USP24: variants seen among roughly 807,000 people sequenced by gnomAD.
The protein encoded by USP24 is ubiquitin carboxyl-terminal hydrolase 24.
A neutral mutation model predicts 361.6 loss-of-function variants in USP24; 97 were observed. That is an observed-to-expected ratio of 0.27 (90% confidence interval 0.23 to 0.32). The LOEUF is 0.32. USP24 is among the 10% of genes least tolerant of loss of function. USP24 has a pLI of 1.00. For missense variants in USP24, 2,353 were observed against 3,165.6 expected (o/e 0.74, Z 6.16); for synonymous variants, 1,098 against 1,124.6 (o/e 0.98, Z 0.47).
Position 55,094,121 on chromosome 1 carries a change from T to C in USP24, c.6204-34A>G, listed in dbSNP as rs377235802. 7.6e-6 allele frequency: 12 copies of C among 1,573,072 alleles called. No individual in the cohort carries two copies. The African/African-American group carries it at 1.4e-4, about 18-fold the overall frequency. ...TAGAATCAGAAAACTCTGTCTAGTATAAAGTGGCTATTTTTTCAGTAGTTA... is the reference window on the plus strand; with the variant it reads ...TAGAATCAGAAAACTCTGTCTAGTACAAAGTGGCTATTTTTTCAGTAGTTA... On this transcript the variant is annotated intron_variant, in intron 51 of 67. Transcript: ENST00000294383.
chr1:55,089,340 G>A (rs1360192256), intron 55 of USP24, among the ~76,000 whole-genome samples: 3 of 152,086 alleles, frequency 2.0e-5, no homozygotes, highest in Admixed American at 6.5e-5. Context: ...AGAGACTTGC[G>A]TCTCTGACCC....
Position 55,067,452 on chromosome 1 carries a change from A to C in USP24, c.*1593T>G, listed in dbSNP as rs1644843037. 6.6e-6 allele frequency: 1 copy of C among 152,250 alleles called. No individual in the cohort carries two copies. Among genetic ancestry groups the C allele is most frequent in the African/African-American group, 2.4e-5 (1 of 41,454 alleles). The allele number at this position is 152,250 out of a possible 1,614,324, so 9.4% of individuals were successfully genotyped here. A position where few individuals can be genotyped will look rare whatever the true frequency, so the allele number is the denominator to read the frequency against. On this transcript the variant is annotated 3_prime_UTR_variant, in exon 68 of 68. Coordinates refer to ENST00000294383, the MANE Select transcript of USP24 (RefSeq NM_015306.3). The stretch of plus-strand genomic sequence containing the variant: ...TAAGTGCTGGCCCTTCCATCTTCTC[A>C]GTGTGTTTGACAAAGGCCACTGCCA...
chr1:55,135,941 TTGAG>T (rs959853534), intron 28 of USP24, among the ~76,000 whole-genome samples: 1 of 152,174 alleles, frequency 6.6e-6, no homozygotes, highest in African/African-American at 2.4e-5. Context: ...GAAATATTGA[TTGAG>T]TACCTATCAT....
chr1:55,154,345 T>C, intron 14 of USP24, 26 bp downstream of exon 14: 1 of 1,557,180 alleles, frequency 6.4e-7, no homozygotes, highest in Non-Finnish European at 8.7e-7. Context: ...CATTTGTAGC[T>C]AGAAAAATCC....
At chr1:55,073,727 G>C in intron 64 of USP24, 101 bp downstream of exon 64, 2 of 1,141,906 alleles carry the variant, frequency 1.8e-6, no homozygotes, top group Non-Finnish European at 2.6e-6. Flanking sequence ...GACTGAGTCA[G>C]ATTCTCCAGG....
Position 55,143,111 on chromosome 1 carries a change from T to C in USP24, c.2448A>G (p.Glu816=), listed in dbSNP as rs190106219. The C allele has an allele frequency of 1.1e-4, 171 of 1,503,980 alleles. No individual in the cohort carries two copies. In the African/African-American group the frequency reaches 2.0e-3, roughly 18 times the overall value. 93.2% of individuals were successfully genotyped at this position (1,503,980 alleles called of 1,614,324 possible). The change falls in exon 22 of 68, where the codon GAA becomes GAG. Residue 816 remains glutamate (E), a synonymous_variant. Transcript: ENST00000294383. The part of the protein sequence containing the change: ...LKRQGAQLYV[E]KLELIGMDFI... ...AATCCATTCCTATCAATTCCAGCTT[T>C]TCTACATACTGTTCAAAAGAAAAAA...
At chr1:55,100,817 C>T in intron 44 of USP24, 22 bp downstream of exon 44, 1 of 1,582,414 alleles carries the variant, frequency 6.3e-7, no homozygotes, top group Non-Finnish European at 8.6e-7. Flanking sequence ...CTTTAAATCT[C>T]AAGAGTTACT....
chr1:55,116,759 A>G (rs1387422314), intron 38 of USP24, among the ~76,000 whole-genome samples: 1 of 152,122 alleles, frequency 6.6e-6, no homozygotes, highest in African/African-American at 2.4e-5. Flanking sequence ...TCACTGGTGA[A>G]TTCTACCAAT....
chr1:55,089,875 G>A (rs566329731), intron 54 of USP24, 135 bp from the exon 55 acceptor site: 4 of 596,020 alleles, frequency 6.7e-6, no homozygotes, highest in South Asian at 2.6e-5. Flanking sequence ...TAGAGTGGAG[G>A]GATAAGAGAT....
At chr1:55,099,647 T>C in intron 45 of USP24, 124 bp downstream of exon 45, 1 of 692,068 alleles carries the variant, frequency 1.4e-6, no homozygotes. Context: ...ACATTATAGT[T>C]CTTATGTTAA....
chr1:55,185,534 A>G (rs1644105514), intron 1 of USP24, among the ~76,000 whole-genome samples: 1 of 152,166 alleles, frequency 6.6e-6, no homozygotes, highest in Non-Finnish European at 1.5e-5. Context: ...TTTAATAATA[A>G]GAATGAAAGA....
intron 1 of USP24, among the ~76,000 whole-genome samples, chr1:55,190,164 C>CAAAA (rs397696116): frequency 5.9e-4 from 46 of 78,154 alleles, no homozygotes; most frequent in African/African-American, 1.2e-3. Context: ...GACTCCATCT[C>CAAAA]AAAAAAAAAA....
Position 55,096,598 on chromosome 1 carries a change from A to G in USP24, c.5961T>C (p.Tyr1987=), listed in dbSNP as rs1645501400. Reference sequence around the variant, plus strand: ...CTTCTATAACTGTGTCATTAAATTTATACCACTTTCCTTTTCCACACCCTC... The same window carrying G: ...CTTCTATAACTGTGTCATTAAATTTGTACCACTTTCCTTTTCCACACCCTC... The part of the protein sequence containing the change: ...DRRGCGKGKW[Y]KFNDTVIEEF... The change falls in exon 50 of 68, where the codon TAT becomes TAC. Residue 1987 remains tyrosine, a synonymous_variant. Coordinates refer to ENST00000294383, the MANE Select transcript of USP24 (RefSeq NM_015306.3). 6.2e-7 allele frequency: 1 copy of G among 1,612,116 alleles called. No homozygotes were observed. The highest frequency in any genetic ancestry group is 8.5e-7 in the Non-Finnish European group (1 of 1,179,398).
intron 1 of USP24, among the ~76,000 whole-genome samples, chr1:55,178,778 C>A (rs1308644867): frequency 6.6e-6 from 1 of 151,988 alleles, no homozygotes; most frequent in Non-Finnish European, 1.5e-5. Flanking sequence ...GTAACCCTAG[C>A]ACTTTGGGAG....
At chr1:55,156,785 C>A (rs1647711754) in intron 12 of USP24, among the ~76,000 whole-genome samples, 163 bp downstream of exon 12, 1 of 152,142 alleles carries the variant, frequency 6.6e-6, no homozygotes, top group Non-Finnish European at 1.5e-5. Context: ...TGGATTTACA[C>A]ATACAATCTT....
At chr1:55,074,018 T>C (rs753419587) in intron 63 of USP24, 112 bp from the exon 64 acceptor site, 2 of 773,774 alleles carry the variant, frequency 2.6e-6, no homozygotes, top group Admixed American at 2.8e-5. Flanking sequence ...AATAAACAGA[T>C]AAGGAACAAC....
Position 55,125,425 on chromosome 1 carries a change from G to C in USP24, c.3855C>G (p.Ser1285=). 6.2e-7 allele frequency: 1 copy of C among 1,613,970 alleles called. No individual in the cohort carries two copies. The highest frequency in any genetic ancestry group is 2.2e-5 in the East Asian group (1 of 44,872). ...NVSRQTSRQM[S]LCGTPEKSSY... ...ATGACTTTTCTGGGGTACCACATAA[G>C]GACATCTGTCTGCTTGTCTGCCGGC... The change falls in exon 34 of 68, where the codon TCC becomes TCG. Residue 1285 remains serine, a synonymous_variant. Coordinates refer to ENST00000294383, the MANE Select transcript of USP24 (RefSeq NM_015306.3).
At chr1:55,093,871 A>G in intron 52 of USP24, 66 bp downstream of exon 52, 2 of 1,592,168 alleles carry the variant, frequency 1.3e-6, no homozygotes, top group Non-Finnish European at 1.7e-6. Context: ...GTACTTCTGG[A>G]CCTACTAGAT....
At chr1:55,176,906 G>A (rs1650034450) in intron 2 of USP24, among the ~76,000 whole-genome samples, 3 of 151,816 alleles carry the variant, frequency 2.0e-5, no homozygotes, top group Non-Finnish European at 4.4e-5. Flanking sequence ...GACCAGCCTG[G>A]GCGACACAGT....
Sources: gnomAD v4.1 joint callset for allele counts (sites outside exome capture counted in the v4.1 genomes callset) on GRCh38, gnomAD v4.1.1 for gene constraint, MANE v1.5 for transcripts, NCBI Gene and HGNC (gene_info 2026-07-23, HGNC 2026-07-21) for gene names.